The following SERINC5 variants were observed in gnomAD, a reference collection of about 807,000 sequenced individuals.
SERINC5 encodes serine incorporator 5.
In SERINC5, 41 loss-of-function variants were observed where a neutral mutation model predicts 63.1. That is an observed-to-expected ratio of 0.65 (90% CI 0.51 to 0.84). SERINC5 has a LOEUF of 0.84. Ranked by LOEUF, SERINC5 falls within the 40% of genes least tolerant of loss-of-function variation. The pLI is 0.00. For synonymous variants in SERINC5, 222 were observed against 215.2 expected (o/e 1.03, Z -0.28); for missense variants, 523 against 573.0 (o/e 0.91, Z 0.89).
At chr5:80,255,865 C>T in intron 1 of SERINC5, 31 bp downstream of exon 1, 1 of 1,588,296 alleles carries the variant, frequency 6.3e-7, no homozygotes, top group Non-Finnish European at 8.5e-7. Flanking sequence ...TCCGATCTGA[C>T]AACCCCCGCG....
intron 1 of SERINC5, among the ~76,000 whole-genome samples, chr5:80,229,050 T>TGGGGGGGGGGA (rs1174325559): frequency 1.1e-5 from 1 of 94,104 alleles, no homozygotes; most frequent in Admixed American, 1.3e-4. Flanking sequence ...TTTTTTTTTT[T>TGGGGGGGGGGA]GGGGATGGAG....
At chr5:80,178,324 A>G (rs1748174668) in intron 2 of SERINC5, among the ~76,000 whole-genome samples, 1 of 151,778 alleles carries the variant, frequency 6.6e-6, no homozygotes, top group Non-Finnish European at 1.5e-5. Flanking sequence ...TTTTACAAAA[A>G]TTACCTTTTT....
chr5:80,114,094 G>A (rs1353767672), intron 11 of SERINC5, among the ~76,000 whole-genome samples: 1 of 152,014 alleles, frequency 6.6e-6, no homozygotes, highest in African/African-American at 2.4e-5. Context: ...GTTACAAGGA[G>A]TGGGCCCAAA....
In SERINC5 at chr5:80,143,655, C is replaced by T. The variant is rs1031378496; in HGVS notation, c.*8G>A. On this transcript the variant is annotated 3_prime_UTR_variant, in exon 12 of 12. Transcript: ENST00000507668. ...AGGCCCACAAAGCCCAGGGGACCGC[C>T]GATATCATCACACAGAGAACTCCCG... 8.5e-6 allele frequency: 13 copies of T among 1,535,510 alleles called. No individual in the cohort carries two copies. Among genetic ancestry groups the T allele is most frequent in the African/African-American group, 1.4e-5 (1 of 73,004 alleles).
chr5:80,114,856 C>A (rs1424585109), intron 11 of SERINC5, among the ~76,000 whole-genome samples: 5 of 151,998 alleles, frequency 3.3e-5, no homozygotes, highest in Admixed American at 1.3e-4. Flanking sequence ...TGACAAATAA[C>A]TCTGACTAGG....
downstream of SERINC5, among the ~76,000 whole-genome samples, chr5:80,138,388 G>C (rs1745300662): frequency 6.6e-6 from 1 of 152,090 alleles, no homozygotes; most frequent in Non-Finnish European, 1.5e-5. Context: ...CTGTAGTCAG[G>C]AGTTCAAGAC....
intron 11 of SERINC5, among the ~76,000 whole-genome samples, chr5:80,145,768 G>A (rs1478285225): frequency 1.3e-5 from 2 of 152,152 alleles, no homozygotes; most frequent in African/African-American, 4.8e-5. Context: ...CCAGCACTTT[G>A]AGAGGCCAAG....
intron 12 of SERINC5, among the ~76,000 whole-genome samples, chr5:80,113,082 T>C (rs76939420): frequency 1.3e-5 from 2 of 152,334 alleles, no homozygotes; most frequent in Admixed American, 6.5e-5. Flanking sequence ...TTTTCCAATA[T>C]AAATAATTTT....
intron 2 of SERINC5, among the ~76,000 whole-genome samples, chr5:80,189,472 C>CT (rs1248584959): frequency 6.6e-6 from 1 of 152,194 alleles, no homozygotes; most frequent in Admixed American, 6.5e-5. Flanking sequence ...GAGGTCTGAA[C>CT]TTTCGTTTCG....
At chr5:80,232,101 TA>T (rs34890012) in intron 1 of SERINC5, among the ~76,000 whole-genome samples, 1,387 of 119,436 alleles carry the variant, frequency 0.012, 10 homozygotes, top group South Asian at 0.02. Context: ...GATTCTGTCT[TA>T]AAAAAAAAAA....
chr5:80,206,955 G>A (rs1357565366), intron 1 of SERINC5, among the ~76,000 whole-genome samples: 24 of 150,986 alleles, frequency 1.6e-4, no homozygotes, highest in Non-Finnish European at 3.5e-4. Context: ...CTGGCTGGTT[G>A]CTAACTCTCT....
chr5:80,125,550 C>T (rs548597793), intron 11 of SERINC5, among the ~76,000 whole-genome samples: 5 of 152,192 alleles, frequency 3.3e-5, no homozygotes, highest in Admixed American at 6.5e-5. Context: ...GAAAGGGGAA[C>T]AGAGACTAGA....
rs1351174265 is a variant in SERINC5, at chr5:80,256,011, G to A, written c.-89C>T. On this transcript the variant is annotated 5_prime_UTR_variant, in exon 1 of 12. Coordinates refer to ENST00000507668, the MANE Select transcript of SERINC5 (RefSeq NM_001174072.3). Reference sequence around the variant, plus strand: ...CCTCGCGCCTCGAGCGCTGGGCTCAGCCGCAGCTCACACTTGAACGAAGAT... The same window carrying A: ...CCTCGCGCCTCGAGCGCTGGGCTCAACCGCAGCTCACACTTGAACGAAGAT... The A allele has an allele frequency of 4.6e-6, 6 of 1,305,216 alleles. No homozygotes were observed. Among genetic ancestry groups the A allele is most frequent in the Non-Finnish European group, 5.1e-6 (5 of 989,958 alleles). The allele number at this position is 1,305,216 out of a possible 1,614,324, so 80.9% of individuals were successfully genotyped here.
chr5:80,203,416 A>C (rs1025771736), intron 1 of SERINC5, among the ~76,000 whole-genome samples: 2 of 151,668 alleles, frequency 1.3e-5, no homozygotes, highest in African/African-American at 4.8e-5. Context: ...TCACACCTTT[A>C]ATCCCAGAGC....
chr5:80,208,518 A>C (rs1010608240), intron 1 of SERINC5, among the ~76,000 whole-genome samples: 28 of 152,214 alleles, frequency 1.8e-4, no homozygotes, highest in Admixed American at 1.3e-3. Flanking sequence ...CCTCACGCAC[A>C]GTGGCTGGCA....
chr5:80,250,153 G>T (rs924103181), intron 1 of SERINC5, among the ~76,000 whole-genome samples: 1 of 152,160 alleles, frequency 6.6e-6, no homozygotes, highest in African/African-American at 2.4e-5. Context: ...CAGTAGCCAG[G>T]ATTTAATTCC....
Position 80,141,006 on chromosome 5 carries a change from T to C in SERINC5, c.*2657A>G, listed in dbSNP as rs1745473664. 2 of 985,304 alleles carry C rather than the reference T, an allele frequency of 2.0e-6. No homozygotes were observed. The highest frequency in any genetic ancestry group is 9.4e-5 in the South Asian group (2 of 21,290). 61.0% of individuals were successfully genotyped at this position (985,304 alleles called of 1,614,324 possible). A position where few individuals can be genotyped will look rare whatever the true frequency, so the allele number is the denominator to read the frequency against. On this transcript the variant is annotated 3_prime_UTR_variant, in exon 12 of 12. Coordinates refer to ENST00000507668, the MANE Select transcript of SERINC5 (RefSeq NM_001174072.3). ...GGAACTCAAAGCCATTGGCACAATG[T>C]TTCCAGTTTCTCAAATCACAATTGC... is the stretch of plus-strand genomic sequence containing the variant.
At chr5:80,202,209 G>C (rs112760898) in intron 2 of SERINC5, among the ~76,000 whole-genome samples, 3 of 152,108 alleles carry the variant, frequency 2.0e-5, no homozygotes, top group African/African-American at 7.2e-5. Context: ...TTGCACTCTA[G>C]CCTGGGTAAC....
chr5:80,191,939 G>T (rs1183659436), intron 2 of SERINC5, among the ~76,000 whole-genome samples: 1 of 152,136 alleles, frequency 6.6e-6, no homozygotes, highest in Admixed American at 6.5e-5. Flanking sequence ...TGCACATAAC[G>T]CATATAAGAC....
Sources: allele counts gnomAD v4.1 joint callset (sites outside exome capture counted in the v4.1 genomes callset), GRCh38; gene constraint gnomAD v4.1.1; transcripts MANE v1.5; gene names NCBI Gene and HGNC (gene_info 2026-07-23, HGNC 2026-07-21).